The following SPRED1 variants were observed in gnomAD, a reference collection of about 807,000 sequenced individuals.
SPRED1 encodes sprouty-related, EVH1 domain-containing protein 1.
In SPRED1, 18 loss-of-function variants were observed where a neutral mutation model predicts 52.3. The observed-to-expected ratio is 0.34, with a 90% CI of 0.24 to 0.51. The LOEUF (loss-of-function observed/expected upper bound fraction) is 0.51. Among genes scored for constraint, SPRED1 ranks in the 20% least tolerant of loss-of-function variants. The pLI, the probability that SPRED1 is intolerant of heterozygous loss-of-function variation, is 0.97. For synonymous variants in SPRED1, 155 were observed against 179.7 expected (o/e 0.86, Z 1.10); for missense variants, 485 against 551.0 (o/e 0.88, Z 1.20).
rs550242184 is a variant in SPRED1 at position 38,334,888 on chromosome 15, C to T, written c.424-4849C>T. On this transcript the variant is annotated intron_variant, in intron 4 of 6. Transcript: ENST00000299084. ...AGTAGAAATGCTGGGTCAAAAAGTACGGATTTTTTTTTTTTCCAGTGCCAT... is the reference window on the plus strand; with the variant it reads ...AGTAGAAATGCTGGGTCAAAAAGTATGGATTTTTTTTTTTTCCAGTGCCAT... Among the ~76,000 whole-genome samples, 39 of 53,168 alleles carry T rather than the reference C, an allele frequency of 7.3e-4. 1 individual carries two copies. Among genetic ancestry groups the T allele is most frequent in the African/African-American group, 1.6e-3 (38 of 24,210 alleles). 34.9% of individuals were successfully genotyped at this position (53,168 alleles called of 152,430 possible).
chr15:38,323,649 T>A (rs1895649231), intron 3 of SPRED1, among the ~76,000 whole-genome samples: 1 of 152,140 alleles, frequency 6.6e-6, no homozygotes, highest in African/African-American at 2.4e-5. Context: ...ATACATGATG[T>A]TCTGTGCCTC....
At chr15:38,272,474 T>C (rs1894458464) in intron 1 of SPRED1, among the ~76,000 whole-genome samples, 1 of 152,144 alleles carries the variant, frequency 6.6e-6, no homozygotes, top group Non-Finnish European at 1.5e-5. Flanking sequence ...TTCACCATGT[T>C]GGCTAGGCTG....
At chr15:38,341,679 G>A (rs1896033161) in intron 5 of SPRED1, among the ~76,000 whole-genome samples, 2 of 151,776 alleles carry the variant, frequency 1.3e-5, no homozygotes, top group African/African-American at 4.8e-5. Flanking sequence ...GGGTTTTCTG[G>A]TTTTCTCTTT....
intron 5 of SPRED1, 81 bp from the exon 6 acceptor site, chr15:38,349,341 G>T: frequency 9.6e-7 from 1 of 1,045,914 alleles, no homozygotes; most frequent in Non-Finnish European, 1.5e-6. Flanking sequence ...AATAAATTAT[G>T]AGGTTTTGGA....
At chr15:38,258,471 A>G (rs930037518) in intron 1 of SPRED1, among the ~76,000 whole-genome samples, 10 of 152,206 alleles carry the variant, frequency 6.6e-5, no homozygotes. Flanking sequence ...AATGTTGCAT[A>G]CCATCCTGAG....
rs561355948 is a variant in SPRED1 at position 38,254,071 on chromosome 15, G to A, written c.32+854G>A. Among the ~76,000 whole-genome samples the A allele has an allele frequency of 2.6e-5, 4 of 152,246 alleles. No homozygotes were observed. In the East Asian group the frequency reaches 7.7e-4, roughly 29 times the overall value. The stretch of plus-strand genomic sequence containing the variant: ...TTAAATGTTTTGCTTTAACGTGACA[G>A]CTGCGTGGAGAAATAATGGTTGGCA... On this transcript the variant is annotated intron_variant, in intron 1 of 6. Transcript: ENST00000299084.
chr15:38,308,181 G>A (rs2140984769), intron 2 of SPRED1, among the ~76,000 whole-genome samples: 1 of 152,240 alleles, frequency 6.6e-6, no homozygotes, highest in Admixed American at 6.5e-5. Flanking sequence ...ATGTCTCACA[G>A]ACTTTTTAAA....
intron 5 of SPRED1, among the ~76,000 whole-genome samples, chr15:38,340,565 C>T (rs1456859300): frequency 6.6e-6 from 1 of 151,888 alleles, no homozygotes; most frequent in Non-Finnish European, 1.5e-5. Flanking sequence ...CAGAGTCTCG[C>T]TCTGTCGCCC....
In SPRED1 at chr15:38,351,235, A is replaced by G. The variant is rs776909752; in HGVS notation, c.906A>G (p.Leu302=). ...YLYSCGDETK[L]SSPKDSVVFK... is the part of the protein sequence containing the mutation. ...ACTCTTGTGGGGATGAGACTAAGTT[A>G]AGTTCACCCAAAGACTCTGTGGTAT... The change falls in exon 7 of 7, where the codon TTA becomes TTG. Residue 302 remains leucine (L), a synonymous_variant. Transcript: ENST00000299084. 6.2e-7 allele frequency: 1 copy of G among 1,614,016 alleles called. No individual in the cohort carries two copies. The highest frequency in any genetic ancestry group is 8.5e-7 in the Non-Finnish European group (1 of 1,180,026).
chr15:38,267,192 A>G (rs1305464587), intron 1 of SPRED1, among the ~76,000 whole-genome samples: 2 of 152,182 alleles, frequency 1.3e-5, no homozygotes, highest in Non-Finnish European at 2.9e-5. Flanking sequence ...CACCTGATAT[A>G]CTTAATATAA....
rs779189071 is a variant in SPRED1, at chr15:38,253,213, A to G, written c.28A>G (p.Asn10Asp). The G allele has an allele frequency of 3.2e-6, 5 of 1,578,040 alleles. No homozygotes were observed. The highest frequency in any genetic ancestry group is 4.6e-5 in the East Asian group (2 of 43,038). The part of the protein sequence containing the change: MSEETATSD[N>D]DNSYARVRAV... ...GAGCGAGGAGACGGCGACTTCTGAC[A>G]ACGAGTAAGCGCCTCATTGATCTCG... Residue 10 changes from asparagine (N) to aspartate (D), a missense_variant, in exon 1 of 7, where the codon AAC (asparagine) becomes GAC (aspartate). This residue lies in a region of SPRED1 where 34 missense variants were observed against 25.8 expected (regional missense o/e 1.32). Transcript: ENST00000299084.
intron 5 of SPRED1, among the ~76,000 whole-genome samples, chr15:38,343,603 A>G (rs1896073156): frequency 6.6e-6 from 1 of 152,120 alleles, no homozygotes; most frequent in African/African-American, 2.4e-5. Flanking sequence ...TAGAGAGAGA[A>G]CAAAAAAACT....
intron 2 of SPRED1, 27 bp downstream of exon 2, chr15:38,299,574 A>G: frequency 6.3e-7 from 1 of 1,593,668 alleles, no homozygotes; most frequent in Non-Finnish European, 8.6e-7. Flanking sequence ...CTAATACTAT[A>G]ATTTTAGATA....
At chr15:38,285,662 T>A (rs1276479896) in intron 1 of SPRED1, among the ~76,000 whole-genome samples, 1 of 152,122 alleles carries the variant, frequency 6.6e-6, no homozygotes. Context: ...CTTTAGAGTT[T>A]GGACTCTTTC....
Position 38,355,870 on chromosome 15 carries a change from G to A in SPRED1, c.*4206G>A, listed in dbSNP as rs746558881. On this transcript the variant is annotated 3_prime_UTR_variant, in exon 7 of 7. Coordinates refer to ENST00000299084, the MANE Select transcript of SPRED1 (RefSeq NM_152594.3). ...AGGTGTTTTGCAATGAGACAAACAT[G>A]AAGAATGAATTTCTTTAAGAGAGAA... is the stretch of plus-strand genomic sequence containing the variant. The A allele has an allele frequency of 3.3e-5, 5 of 152,010 alleles. No homozygotes were observed. Among genetic ancestry groups the A allele is most frequent in the Non-Finnish European group, 7.4e-5 (5 of 67,980 alleles). The allele number at this position is 152,010 out of a possible 1,614,324, so 9.4% of individuals were successfully genotyped here. A position where few individuals can be genotyped will look rare whatever the true frequency, so the allele number is the denominator to read the frequency against.
At chr15:38,297,714 G>A (rs1895068255) in intron 1 of SPRED1, among the ~76,000 whole-genome samples, 1 of 152,132 alleles carries the variant, frequency 6.6e-6, no homozygotes, top group East Asian at 1.9e-4. Flanking sequence ...TACCAGGATG[G>A]TAGTGTCTTC....
chr15:38,308,142 A>T (rs1442819597), intron 2 of SPRED1, among the ~76,000 whole-genome samples: 1 of 152,144 alleles, frequency 6.6e-6, no homozygotes, highest in Non-Finnish European at 1.5e-5. Flanking sequence ...AGAATTTGAT[A>T]CTAATTTTTA....
intron 1 of SPRED1, among the ~76,000 whole-genome samples, chr15:38,288,572 C>G (rs1894856210): frequency 2.0e-5 from 3 of 152,152 alleles, no homozygotes; most frequent in Admixed American, 6.5e-5. Flanking sequence ...GATAGAATAT[C>G]TCAGGGGAAT....
At chr15:38,268,479 T>C (rs1894359439) in intron 1 of SPRED1, among the ~76,000 whole-genome samples, 1 of 152,192 alleles carries the variant, frequency 6.6e-6, no homozygotes, top group Non-Finnish European at 1.5e-5. Flanking sequence ...TAAGTCTAAG[T>C]TGTTTTGTGA....
Sources: gnomAD v4.1 joint callset for allele counts (sites outside exome capture counted in the v4.1 genomes callset) on GRCh38, gnomAD v4.1.1 for gene constraint, gnomAD v4.1.1 regional missense constraint, MANE v1.5 for transcripts, NCBI Gene and HGNC (gene_info 2026-07-23, HGNC 2026-07-21) for gene names.